CADPS2: variants seen among roughly 807,000 people sequenced by gnomAD.
CADPS2 encodes calcium dependent secretion activator 2.
In CADPS2, 93 loss-of-function variants were observed where a neutral mutation model predicts 172.5. The observed-to-expected ratio is 0.54, with a 90% CI of 0.46 to 0.64. The LOEUF is 0.64. Among genes scored for constraint, CADPS2 ranks in the 30% least tolerant of loss-of-function variants. CADPS2 has a pLI of 0.00. For synonymous variants in CADPS2, 546 were observed against 555.2 expected (o/e 0.98, Z 0.23); for missense variants, 1,420 against 1,565.9 (o/e 0.91, Z 1.57).
chr7:122,635,813 G>C (rs558794828), intron 3 of CADPS2, among the ~76,000 whole-genome samples: 3 of 152,296 alleles, frequency 2.0e-5, no homozygotes, highest in East Asian at 3.9e-4. Flanking sequence ...ATTTAGGATA[G>C]TTAAGTCTTC....
intron 1 of CADPS2, among the ~76,000 whole-genome samples, chr7:122,879,104 G>C (rs1585120184): frequency 6.6e-6 from 1 of 151,616 alleles, no homozygotes; most frequent in East Asian, 1.9e-4. Flanking sequence ...GGGCATGGTG[G>C]TGCACACCTG....
At chr7:122,516,270 C>T (rs1401963707) in intron 8 of CADPS2, among the ~76,000 whole-genome samples, 1 of 152,120 alleles carries the variant, frequency 6.6e-6, no homozygotes, top group African/African-American at 2.4e-5. Flanking sequence ...TGCAGTGGCT[C>T]ATGCCTGTAG....
chr7:122,675,955 T>G (rs66524549), intron 2 of CADPS2, among the ~76,000 whole-genome samples: 9,596 of 152,096 alleles, frequency 0.063, 353 homozygotes, highest in South Asian at 0.17. Context: ...AACCTGCACG[T>G]TCTGTACATG....
At chr7:122,755,751 A>G (rs141768713) in intron 1 of CADPS2, among the ~76,000 whole-genome samples, 1 of 152,090 alleles carries the variant, frequency 6.6e-6, no homozygotes, top group East Asian at 1.9e-4. Flanking sequence ...AGGGAAACTG[A>G]TAAGATATTT....
rs753713440 is a variant in CADPS2, at chr7:122,449,408, C to G, written c.2288+1966G>C. ...AGAGCTCACTGTAGCATTGACTTCC[C>G]AGGCTCAAGTGATCCTCCCACATCA... On this transcript the variant is annotated intron_variant, in intron 15 of 29. Coordinates refer to ENST00000449022, the MANE Select transcript of CADPS2 (RefSeq NM_017954.11). Among the ~76,000 whole-genome samples, 12 of 152,130 alleles carry G rather than the reference C, an allele frequency of 7.9e-5. No individual in the cohort carries two copies. The East Asian group carries it at 2.3e-3, about 30-fold the overall frequency.
In CADPS2 at chr7:122,788,905, A is replaced by G. The variant is rs952550258; in HGVS notation, c.340-51837T>C. Among the ~76,000 whole-genome samples the G allele has an allele frequency of 2.6e-5, 4 of 152,308 alleles. No homozygotes were observed. The East Asian group carries it at 7.7e-4, about 29-fold the overall frequency. ...CCAGCACTGAGGAAAGGCCTGCTTC[A>G]GCAATGAAAACAGTTCATCATTTCC... On this transcript the variant is annotated intron_variant, in intron 1 of 29. Transcript: ENST00000449022.
chr7:122,811,864 A>C (rs1237150295), intron 1 of CADPS2, among the ~76,000 whole-genome samples: 1 of 152,158 alleles, frequency 6.6e-6, no homozygotes, highest in African/African-American at 2.4e-5. Flanking sequence ...ATTTTATTAC[A>C]TGACACTGTG....
intron 20 of CADPS2, among the ~76,000 whole-genome samples, chr7:122,394,946 A>G (rs544148211): frequency 6.6e-6 from 1 of 152,214 alleles, no homozygotes; most frequent in African/African-American, 2.4e-5. Flanking sequence ...ACTAGGGTGA[A>G]GAGGTAGAAG....
chr7:122,698,924 T>C, intron 2 of CADPS2: 1 of 1,555,966 alleles, frequency 6.4e-7, no homozygotes, highest in African/African-American at 1.4e-5. Context: ...TGCATCTCTC[T>C]CTTCTCCGAG....
intron 9 of CADPS2, among the ~76,000 whole-genome samples, chr7:122,492,762 C>A (rs528927674): frequency 5.3e-5 from 8 of 152,028 alleles, no homozygotes; most frequent in African/African-American, 1.9e-4. Context: ...GACAGTGGCA[C>A]GATTATGGCT....
At chr7:122,628,009 T>G (rs1013500066) in intron 4 of CADPS2, among the ~76,000 whole-genome samples, 1 of 152,204 alleles carries the variant, frequency 6.6e-6, no homozygotes, top group Non-Finnish European at 1.5e-5. Flanking sequence ...TTTCAATCAC[T>G]GCCCTCTGTG....
intron 1 of CADPS2, among the ~76,000 whole-genome samples, chr7:122,753,829 G>T (rs182972152): frequency 6.6e-6 from 1 of 152,172 alleles, no homozygotes; most frequent in East Asian, 1.9e-4. Context: ...ACCCACTGGG[G>T]TGTTGCATAT....
chr7:122,628,670 A>T (rs1038720859), intron 4 of CADPS2, among the ~76,000 whole-genome samples: 3 of 151,272 alleles, frequency 2.0e-5, no homozygotes, highest in African/African-American at 7.3e-5. Context: ...GAAAAAACTC[A>T]TGCCTTTTGT....
chr7:122,732,022 A>G (rs1014675378), intron 2 of CADPS2, among the ~76,000 whole-genome samples: 1 of 151,792 alleles, frequency 6.6e-6, no homozygotes, highest in Non-Finnish European at 1.5e-5. Flanking sequence ...AAAAATCATT[A>G]TCATTCCTCA....
At chr7:122,767,696 A>G (rs1051609689) in intron 1 of CADPS2, among the ~76,000 whole-genome samples, 3 of 152,188 alleles carry the variant, frequency 2.0e-5, no homozygotes, top group African/African-American at 7.2e-5. Context: ...TTAGTCATTT[A>G]TTAATATTCC....
intron 1 of CADPS2, among the ~76,000 whole-genome samples, chr7:122,809,849 AAC>A (rs2140138258): frequency 6.6e-6 from 1 of 152,298 alleles, no homozygotes; most frequent in East Asian, 1.9e-4. Context: ...CTCTAAAGAC[AAC>A]AGATTCTCTC....
chr7:122,361,287 G>C (rs1170727609), intron 25 of CADPS2, among the ~76,000 whole-genome samples: 1 of 144,088 alleles, frequency 6.9e-6, no homozygotes, highest in African/African-American at 2.6e-5. Context: ...AGGCTGGAGT[G>C]CAGTGGCGTG....
chr7:122,449,170 G>A (rs989097782), intron 15 of CADPS2, among the ~76,000 whole-genome samples: 6 of 152,216 alleles, frequency 3.9e-5, no homozygotes, highest in African/African-American at 1.4e-4. Context: ...TATAATAATG[G>A]GGACTTATTC....
At chr7:122,579,798 AG>A (rs1184472233) in intron 7 of CADPS2, among the ~76,000 whole-genome samples, 6 of 152,118 alleles carry the variant, frequency 3.9e-5, no homozygotes, top group African/African-American at 1.4e-4. Context: ...CTGAATGAGC[AG>A]TAACACAGCT....
Sources: gnomAD v4.1 joint callset for allele counts (sites outside exome capture counted in the v4.1 genomes callset) on GRCh38, gnomAD v4.1.1 for gene constraint, MANE v1.5 for transcripts, NCBI Gene and HGNC (gene_info 2026-07-23, HGNC 2026-07-21) for gene names.